Variants in RGS7 observed in about 807,000 individuals in gnomAD.
RGS7 encodes regulator of G-protein signaling 7.
Under a neutral mutation model 81.1 loss-of-function variants are expected in RGS7, and 27 were observed. That is an observed-to-expected ratio of 0.33 (90% CI 0.25 to 0.46). The LOEUF is 0.46. Ranked by LOEUF, RGS7 falls within the 20% of genes least tolerant of loss-of-function variation. The pLI is 1.00. For missense variants in RGS7, 396 were observed against 607.4 expected (o/e 0.65, Z 3.66); for synonymous variants, 208 against 207.7 (o/e 1.00, Z -0.01).
chr1:241,336,458 A>G (rs974849359), intron 2 of RGS7, among the ~76,000 whole-genome samples: 48 of 152,248 alleles, frequency 3.2e-4, no homozygotes, highest in African/African-American at 1.1e-3. Flanking sequence ...AAACATAGGA[A>G]TCCAGACAGA....
At chr1:241,319,235 C>A (rs771193389) in intron 2 of RGS7, among the ~76,000 whole-genome samples, 4 of 152,108 alleles carry the variant, frequency 2.6e-5, no homozygotes, top group African/African-American at 4.8e-5. Context: ...TCCCTTTCTA[C>A]AATAAAAGCC....
intron 2 of RGS7, among the ~76,000 whole-genome samples, chr1:241,223,044 T>C (rs533391073): frequency 3.3e-5 from 5 of 152,336 alleles, no homozygotes; most frequent in African/African-American, 1.2e-4. Context: ...TGTGGCACAT[T>C]TTCTTTATCC....
chr1:241,020,543 C>T (rs919646849), intron 3 of RGS7, among the ~76,000 whole-genome samples: 2 of 152,170 alleles, frequency 1.3e-5, no homozygotes, highest in African/African-American at 4.8e-5. Flanking sequence ...AGATCCTTAA[C>T]TTAATTCCAT....
At chr1:240,855,457 G>A (rs1260576763) in intron 9 of RGS7, among the ~76,000 whole-genome samples, 1 of 149,100 alleles carries the variant, frequency 6.7e-6, no homozygotes, top group African/African-American at 2.5e-5. Context: ...TTGAGACATG[G>A]TCTCACTGTG....
chr1:240,992,716 T>G (rs1182678913), intron 3 of RGS7, among the ~76,000 whole-genome samples: 1 of 151,960 alleles, frequency 6.6e-6, no homozygotes, highest in Non-Finnish European at 1.5e-5. Context: ...ATGCCATTTT[T>G]GGGGTTCTAT....
chr1:241,093,019 A>G (rs1004737429), intron 3 of RGS7, among the ~76,000 whole-genome samples: 11 of 152,178 alleles, frequency 7.2e-5, no homozygotes, highest in Non-Finnish European at 2.9e-5. Context: ...TGTTTTTAAA[A>G]AGGAAAAAGT....
At chr1:241,047,550 C>T (rs2060999423) in intron 3 of RGS7, among the ~76,000 whole-genome samples, 1 of 152,064 alleles carries the variant, frequency 6.6e-6, no homozygotes, top group African/African-American at 2.4e-5. Flanking sequence ...TGTACTTCAG[C>T]ATTATGAAAT....
At chr1:240,857,451 C>CTGTATATATA (rs1661347028) in intron 9 of RGS7, among the ~76,000 whole-genome samples, 1 of 152,106 alleles carries the variant, frequency 6.6e-6, no homozygotes, top group South Asian at 2.1e-4. Flanking sequence ...ACTGTATAGG[C>CTGTATATATA]TGTGATAAAT....
chr1:241,263,684 T>C (rs2077451548), intron 2 of RGS7, among the ~76,000 whole-genome samples: 1 of 152,226 alleles, frequency 6.6e-6, no homozygotes, highest in South Asian at 2.1e-4. Flanking sequence ...ACAATTTATA[T>C]GCATGAAAAC....
intron 17 of RGS7, 118 bp from the exon 18 acceptor site, chr1:240,800,839 C>T: frequency 2.0e-6 from 1 of 489,548 alleles, no homozygotes; most frequent in Non-Finnish European, 3.6e-6. Flanking sequence ...ATCATCAAAA[C>T]ACATGGCAAG....
chr1:240,850,142 A>C (rs1367449971), intron 9 of RGS7, among the ~76,000 whole-genome samples: 1 of 152,006 alleles, frequency 6.6e-6, no homozygotes, highest in Admixed American at 6.6e-5. Flanking sequence ...ATCTCATTTT[A>C]TTGTGCTCTG....
In RGS7 at chr1:240,939,761, T is replaced by C. The variant is rs184896313; in HGVS notation, c.227-3055A>G. Reference sequence around the variant, plus strand: ...AGCTCTTATCACCAGAGACTGGGAGTTGGGGGCTGCAATGAACCTGAATAA... The same window carrying C: ...AGCTCTTATCACCAGAGACTGGGAGCTGGGGGCTGCAATGAACCTGAATAA... On this transcript the variant is annotated intron_variant, in intron 4 of 18. Coordinates refer to ENST00000440928, the MANE Select transcript of RGS7 (RefSeq NM_001364886.1). Among the ~76,000 whole-genome samples, 144 of 151,706 alleles carry C rather than the reference T, an allele frequency of 9.5e-4. 1 individual carries two copies. The highest frequency in any genetic ancestry group is 2.6e-3 in the African/African-American group (106 of 41,382).
chr1:241,195,353 G>A (rs2147813194), intron 2 of RGS7, among the ~76,000 whole-genome samples: 1 of 152,198 alleles, frequency 6.6e-6, no homozygotes, highest in East Asian at 1.9e-4. Flanking sequence ...GCGGGCACCT[G>A]TAATCCCAGC....
chr1:241,107,943 A>G (rs1371272461), intron 2 of RGS7, among the ~76,000 whole-genome samples: 2 of 152,134 alleles, frequency 1.3e-5, no homozygotes, highest in Non-Finnish European at 2.9e-5. Context: ...TATAGCAGAA[A>G]AAAGTGTAAG....
chr1:241,118,024 A>G (rs2102983600), intron 2 of RGS7, among the ~76,000 whole-genome samples: 1 of 152,360 alleles, frequency 6.6e-6, no homozygotes, highest in East Asian at 1.9e-4. Context: ...TCCAACATAC[A>G]TAGATTTAAT....
intron 2 of RGS7, among the ~76,000 whole-genome samples, chr1:241,247,728 T>C (rs1283364244): frequency 6.6e-6 from 1 of 152,156 alleles, no homozygotes; most frequent in Non-Finnish European, 1.5e-5. Context: ...ATAGTGATGC[T>C]AAATCTCTAA....
chr1:241,106,672 C>T lies in RGS7; in HGVS notation c.79-7910G>A, dbSNP rs367625544. ...CGGAGGTTGCAGTGAGCCGAGATCG[C>T]GCAACTGAACTCCAGCCTGGGTGAC... On this transcript the variant is annotated intron_variant, in intron 2 of 18. Coordinates refer to ENST00000440928, the MANE Select transcript of RGS7 (RefSeq NM_001364886.1). 1.4e-4 allele frequency among the ~76,000 whole-genome samples: 21 copies of T among 146,280 alleles called. No homozygotes were observed. The East Asian group carries it at 3.5e-3, about 24-fold the overall frequency.
At chr1:241,345,754 G>A (rs922639519) in intron 2 of RGS7, among the ~76,000 whole-genome samples, 3 of 151,952 alleles carry the variant, frequency 2.0e-5, no homozygotes, top group South Asian at 2.1e-4. Context: ...AAGGCCAGGC[G>A]CACCTGTAAT....
chr1:240,799,949 T>C (rs1158597783), intron 18 of RGS7, among the ~76,000 whole-genome samples: 1 of 152,178 alleles, frequency 6.6e-6, no homozygotes, highest in Non-Finnish European at 1.5e-5. Flanking sequence ...AGATATGATG[T>C]TGGAAGAAGG....
Sources: gnomAD v4.1 joint callset for allele counts (sites outside exome capture counted in the v4.1 genomes callset) on GRCh38, gnomAD v4.1.1 for gene constraint, MANE v1.5 for transcripts, NCBI Gene and HGNC (gene_info 2026-07-23, HGNC 2026-07-21) for gene names.